Variants in ENPP6 observed in about 807,000 individuals in gnomAD.
ENPP6 encodes ectonucleotide pyrophosphatase/phosphodiesterase 6, also known as glycerophosphocholine cholinephosphodiesterase ENPP6.
ENPP6 carries 32 observed loss-of-function variants against 42.0 expected under a neutral mutation model. The ratio of observed to expected loss-of-function variants is 0.76; its 90% CI spans 0.58 to 1.02. The LOEUF is 1.02. Among genes scored for constraint, ENPP6 ranks in the 50% least tolerant of loss-of-function variants. ENPP6 has a pLI of 0.00. For synonymous variants in ENPP6, 213 were observed against 216.0 expected, an observed-to-expected ratio of 0.99 and a Z score of 0.12; for missense variants, 552 against 566.8, an observed-to-expected ratio of 0.97 and a Z score of 0.27.
intron 6 of ENPP6, 151 bp downstream of exon 6, chr4:184,112,520 AC>A: frequency 1.0e-6 from 1 of 999,370 alleles, no homozygotes; most frequent in South Asian, 1.9e-5. Flanking sequence ...CCCGATCAAG[AC>A]TTTTGATTCT....
intron 3 of ENPP6, among the ~76,000 whole-genome samples, chr4:184,118,793 C>T (rs575737299): frequency 1.3e-5 from 2 of 152,222 alleles, no homozygotes; most frequent in South Asian, 4.2e-4. Context: ...AGTAGTCATG[C>T]CTGCCCACCT....
intron 1 of ENPP6, among the ~76,000 whole-genome samples, chr4:184,158,181 C>T (rs547899058): frequency 1.8e-4 from 28 of 152,288 alleles, no homozygotes; most frequent in African/African-American, 6.0e-4. Flanking sequence ...GTTAAGGGAA[C>T]GAATCTTGGA....
At chr4:184,101,032 C>T (rs1174551463) in intron 6 of ENPP6, among the ~76,000 whole-genome samples, 1 of 152,140 alleles carries the variant, frequency 6.6e-6, no homozygotes, top group Non-Finnish European at 1.5e-5. Flanking sequence ...GAGGGAGGCT[C>T]AGGCCCCAGG....
chr4:184,093,683 A>AATG, intron 7 of ENPP6, among the ~76,000 whole-genome samples: 1 of 148,424 alleles, frequency 6.7e-6, no homozygotes. Flanking sequence ...TAATAATAAT[A>AATG]ATGTAAAACC....
At chr4:184,175,530 C>T (rs994817269) in intron 1 of ENPP6, among the ~76,000 whole-genome samples, 10 of 152,150 alleles carry the variant, frequency 6.6e-5, no homozygotes, top group African/African-American at 1.7e-4. Context: ...GGGCTACCAC[C>T]GCAGAGTGGG....
At chr4:184,154,149 T>C (rs969216967) in intron 1 of ENPP6, among the ~76,000 whole-genome samples, 3 of 152,250 alleles carry the variant, frequency 2.0e-5, no homozygotes, top group Non-Finnish European at 2.9e-5. Context: ...CTAGCTGTTA[T>C]AGCGTTTATT....
intron 1 of ENPP6, among the ~76,000 whole-genome samples, chr4:184,172,384 C>T (rs1238704686): frequency 6.6e-6 from 1 of 152,134 alleles, no homozygotes; most frequent in Non-Finnish European, 1.5e-5. Flanking sequence ...AGCCTCCACC[C>T]TCTAGCTAGC....
chr4:184,159,054 A>T (rs1164467551), intron 1 of ENPP6, among the ~76,000 whole-genome samples: 1 of 152,174 alleles, frequency 6.6e-6, no homozygotes, highest in South Asian at 2.1e-4. Flanking sequence ...GTGATGCTTG[A>T]ATGTTTCTGG....
chr4:184,207,433 G>A (rs1353807599), intron 1 of ENPP6, among the ~76,000 whole-genome samples: 1 of 152,144 alleles, frequency 6.6e-6, no homozygotes, highest in Non-Finnish European at 1.5e-5. Context: ...TTGACTTTAT[G>A]TTAAACTCCA....
intron 1 of ENPP6, among the ~76,000 whole-genome samples, chr4:184,169,272 C>T (rs1345543432): frequency 1.3e-5 from 2 of 152,022 alleles, no homozygotes. Flanking sequence ...GTGACCGTGG[C>T]TCCAGGATCC....
At chr4:184,141,831 G>A (rs1736828340) in intron 2 of ENPP6, among the ~76,000 whole-genome samples, 1 of 152,120 alleles carries the variant, frequency 6.6e-6, no homozygotes, top group African/African-American at 2.4e-5. Context: ...CCACCCATTA[G>A]AAAATTATTT....
intron 2 of ENPP6, among the ~76,000 whole-genome samples, chr4:184,134,482 ATCTG>A (rs1736697238): frequency 6.6e-6 from 1 of 152,114 alleles, no homozygotes; most frequent in African/African-American, 2.4e-5. Context: ...TCCCCTAGCA[ATCTG>A]TCTGTTTCAT....
chr4:184,099,532 A>G (rs1735965431), intron 6 of ENPP6, among the ~76,000 whole-genome samples: 1 of 152,206 alleles, frequency 6.6e-6, no homozygotes, highest in East Asian at 1.9e-4. Flanking sequence ...CCATGGGGCC[A>G]GGTGCCCGGG....
At chr4:184,178,996 T>C (rs1732496399) in intron 1 of ENPP6, among the ~76,000 whole-genome samples, 1 of 152,172 alleles carries the variant, frequency 6.6e-6, no homozygotes, top group Non-Finnish European at 1.5e-5. Flanking sequence ...GCTAGCATCA[T>C]GATAACAGGA....
chr4:184,113,889 CCTTT>C (rs1246959064), intron 5 of ENPP6, among the ~76,000 whole-genome samples: 1 of 146,372 alleles, frequency 6.8e-6, no homozygotes, highest in Non-Finnish European at 1.5e-5. Context: ...CTTTTTCCTT[CCTTT>C]CTTTCTTTTC....
At chr4:184,182,245 C>T (rs1323180546) in intron 1 of ENPP6, among the ~76,000 whole-genome samples, 2 of 151,500 alleles carry the variant, frequency 1.3e-5, no homozygotes, top group East Asian at 3.9e-4. Flanking sequence ...ATGCAGCCAA[C>T]AAACATAAGG....
chr4:184,137,757 T>C lies in ENPP6; in HGVS notation c.422-13485A>G, dbSNP rs114975214. ...AGTCTGGATTTTTACTAGATTTATT[T>C]TCCTTGGTGGGCCCTGAACTCCAAT... On this transcript the variant is annotated intron_variant, in intron 2 of 7. Coordinates refer to ENST00000296741, the MANE Select transcript of ENPP6 (RefSeq NM_153343.4). Among the ~76,000 whole-genome samples the C allele has an allele frequency of 4.0e-3, 603 of 152,342 alleles. 6 individuals carry two copies. Among genetic ancestry groups the C allele is most frequent in the Middle Eastern group, 0.014 (4 of 294 alleles).
intron 3 of ENPP6, among the ~76,000 whole-genome samples, chr4:184,123,931 A>C (rs1736459646): frequency 6.6e-6 from 1 of 152,180 alleles, no homozygotes; most frequent in African/African-American, 2.4e-5. Context: ...GGAGATTCAA[A>C]CCCTTAGGGA....
intron 1 of ENPP6, among the ~76,000 whole-genome samples, chr4:184,181,366 C>G (rs1732548035): frequency 6.6e-6 from 1 of 152,164 alleles, no homozygotes; most frequent in Non-Finnish European, 1.5e-5. Flanking sequence ...AGAGAGGACA[C>G]AAACAAATGG....
Sources: allele counts gnomAD v4.1 joint callset (sites outside exome capture counted in the v4.1 genomes callset), GRCh38; gene constraint gnomAD v4.1.1; transcripts MANE v1.5; gene names NCBI Gene and HGNC (gene_info 2026-07-23, HGNC 2026-07-21).